The following AK9 variants were observed in gnomAD, a reference collection of about 807,000 sequenced individuals.
The protein encoded by AK9 is adenylate kinase 9, also known as adenylate kinase domain containing 1.
A neutral mutation model predicts 239.6 loss-of-function variants in AK9; 191 were observed. That is an observed-to-expected ratio of 0.80 (90% CI 0.71 to 0.90). AK9 has a LOEUF of 0.90. Among genes scored for constraint, AK9 ranks in the 40% least tolerant of loss-of-function variants. The pLI is 0.00. For missense variants in AK9, 1,995 were observed against 2,214.7 expected, an observed-to-expected ratio of 0.90 and a Z score of 1.99; for synonymous variants, 689 against 721.0, an observed-to-expected ratio of 0.96 and a Z score of 0.71.
chr6:109,601,532 G>A (rs1791962301), intron 17 of AK9, among the ~76,000 whole-genome samples: 1 of 152,210 alleles, frequency 6.6e-6, no homozygotes, highest in Non-Finnish European at 1.5e-5. Flanking sequence ...GTGTGGTGTA[G>A]TGCTGAGAAG....
Position 109,632,854 on chromosome 6 carries a change from CAGATAGACAT to C in AK9, c.1254+59_1254+68del, listed in dbSNP as rs1161490793. 110 of 1,462,298 alleles carry C rather than the reference CAGATAGACAT, an allele frequency of 7.5e-5. No individual in the cohort carries two copies. The African/African-American group carries it at 1.5e-3, about 20-fold the overall frequency. 90.6% of individuals were successfully genotyped at this position (1,462,298 alleles called of 1,614,324 possible). On this transcript the variant is annotated intron_variant, in intron 12 of 40. Transcript: ENST00000424296. ...ATTATAATCGAGTATAGATACATGA[CAGATAGACAT>C]AGATAGATAGATAGATAGATAGATA...
Position 109,500,061 on chromosome 6 carries a change from A to ACACACT in AK9, c.4850-822_4850-821insAGTGTG, listed in dbSNP as rs1554231772. ...CACACACACACACACACACACACAC[A>ACACACT]CACACACACACAATTTATACCTGTG... is the stretch of plus-strand genomic sequence containing the variant. On this transcript the variant is annotated intron_variant, in intron 35 of 40. Coordinates refer to ENST00000424296, the MANE Select transcript of AK9 (RefSeq NM_001145128.3). Among the ~76,000 whole-genome samples the ACACACT allele has an allele frequency of 1.1e-3, 173 of 151,836 alleles. 2 individuals carry two copies. The highest frequency in any genetic ancestry group is 3.4e-3 in the Middle Eastern group (1 of 294).
At chr6:109,651,803 G>A (rs890269984) in intron 8 of AK9, among the ~76,000 whole-genome samples, 9 of 152,028 alleles carry the variant, frequency 5.9e-5, no homozygotes, top group African/African-American at 2.2e-4. Context: ...AGAAAATTTA[G>A]AAGAAATGGA....
At chr6:109,651,192 T>A (rs1246041028) in intron 8 of AK9, among the ~76,000 whole-genome samples, 2 of 151,748 alleles carry the variant, frequency 1.3e-5, no homozygotes, top group African/African-American at 4.8e-5. Context: ...GTAACAAACC[T>A]GCACGTTGTG....
intron 17 of AK9, among the ~76,000 whole-genome samples, chr6:109,596,308 G>A (rs1384253412): frequency 6.6e-6 from 1 of 152,212 alleles, no homozygotes; most frequent in Non-Finnish European, 1.5e-5. Flanking sequence ...GCAGGCACCA[G>A]CACCAGCTCC....
chr6:109,668,605 T>C (rs1448462430), intron 5 of AK9, among the ~76,000 whole-genome samples: 1 of 136,814 alleles, frequency 7.3e-6, no homozygotes, highest in African/African-American at 2.5e-5. Context: ...CAGTTTCAGC[T>C]TTCTACATAT....
At chr6:109,623,489 C>T (rs1570013) in intron 12 of AK9, among the ~76,000 whole-genome samples, 89,792 of 151,886 alleles carry the variant, frequency 0.59, 27,999 homozygotes, top group East Asian at 0.84. Flanking sequence ...TTCATGTGAT[C>T]GAGCCATCTT....
At chr6:109,641,713 CT>C (rs1229728822) in intron 9 of AK9, 97 bp from the exon 10 acceptor site, 37 of 1,011,818 alleles carry the variant, frequency 3.7e-5, no homozygotes, top group Non-Finnish European at 5.4e-5. Context: ...CATGCTCCCC[CT>C]GACTCTGGGT....
chr6:109,618,934 T>C (rs1794504779), intron 13 of AK9, among the ~76,000 whole-genome samples, 158 bp downstream of exon 13: 1 of 152,196 alleles, frequency 6.6e-6, no homozygotes, highest in Non-Finnish European at 1.5e-5. Context: ...TGCTTTTGAA[T>C]TGGTTTATGT....
intron 24 of AK9, among the ~76,000 whole-genome samples, chr6:109,551,517 C>CAAAAAA (rs34978650): frequency 8.1e-6 from 1 of 123,814 alleles, no homozygotes. Flanking sequence ...GACTCCATCT[C>CAAAAAA]AAAAAAAAAA....
At chr6:109,510,202 A>G (rs1582770551) in intron 32 of AK9, among the ~76,000 whole-genome samples, 1 of 152,080 alleles carries the variant, frequency 6.6e-6, no homozygotes, top group Admixed American at 6.5e-5. Flanking sequence ...TGGACCAATC[A>G]GCAGGCACTT....
rs920552585 is a variant in AK9, at chr6:109,664,569, C to T, written c.332-1906G>A. Among the ~76,000 whole-genome samples the T allele has an allele frequency of 3.9e-4, 59 of 152,086 alleles. 1 individual carries two copies. Among genetic ancestry groups the T allele is most frequent in the South Asian group, 2.1e-4 (1 of 4,822 alleles). On this transcript the variant is annotated intron_variant, in intron 5 of 40. Transcript: ENST00000424296. The stretch of plus-strand genomic sequence containing the variant: ...CCTCCTGAGTAGCTGGGACTACAGG[C>T]GCATGCTACCACGCCCGGCTAATTT...
chr6:109,625,441 C>T (rs1357259218), intron 12 of AK9, among the ~76,000 whole-genome samples: 1 of 152,104 alleles, frequency 6.6e-6, no homozygotes, highest in African/African-American at 2.4e-5. Flanking sequence ...GAGGGGTCTC[C>T]CACCCTCAGG....
intron 17 of AK9, among the ~76,000 whole-genome samples, chr6:109,608,234 G>A (rs568824655): frequency 3.4e-5 from 5 of 145,960 alleles, no homozygotes; most frequent in East Asian, 2.0e-4. Context: ...AGCTGAGATC[G>A]CACCACTGCA....
intron 17 of AK9, among the ~76,000 whole-genome samples, chr6:109,597,554 C>T (rs9400304): frequency 0.58 from 88,354 of 151,586 alleles, 27,417 homozygotes; most frequent in East Asian, 0.84. Flanking sequence ...GCGCCTGTAG[C>T]CCCAGCTACT....
intron 28 of AK9, among the ~76,000 whole-genome samples, chr6:109,531,832 A>T: frequency 6.6e-6 from 1 of 152,208 alleles, no homozygotes; most frequent in Admixed American, 6.6e-5. Flanking sequence ...GGAGCCACGT[A>T]TCTTCCCACG....
At position 109,585,896 on chromosome 6, in the gene AK9, C is replaced by T. The variant is rs56021725; in HGVS notation, c.1999+20G>A. 0.015 allele frequency: 22,618 copies of T among 1,523,324 alleles called. 193 individuals carry two copies. The highest frequency in any genetic ancestry group is 0.018 in the Non-Finnish European group (20,135 of 1,133,626). 94.4% of individuals were successfully genotyped at this position (1,523,324 alleles called of 1,614,324 possible). A position where few individuals can be genotyped will look rare whatever the true frequency, so the allele number is the denominator to read the frequency against. On this transcript the variant is annotated intron_variant, in intron 18 of 40. Transcript: ENST00000424296. ...TAACAAAACTTCACTTTCAAATTTA[C>T]ATAATAAATATTTACCAACCATTGT...
chr6:109,663,930 C>T (rs1343111341), intron 5 of AK9, among the ~76,000 whole-genome samples: 1 of 152,168 alleles, frequency 6.6e-6, no homozygotes, highest in Non-Finnish European at 1.5e-5. Flanking sequence ...CTATGTGAAA[C>T]TACATTTTCT....
At chr6:109,548,474 C>T (rs1783894044) in intron 25 of AK9, among the ~76,000 whole-genome samples, 1 of 152,088 alleles carries the variant, frequency 6.6e-6, no homozygotes, top group Non-Finnish European at 1.5e-5. Context: ...CCAAAGAGAT[C>T]AGCAGTTTCC....
Sources: allele counts gnomAD v4.1 joint callset (sites outside exome capture counted in the v4.1 genomes callset), GRCh38; gene constraint gnomAD v4.1.1; transcripts MANE v1.5; gene names NCBI Gene and HGNC (gene_info 2026-07-23, HGNC 2026-07-21).